The following PDE4D variants were observed in gnomAD, a reference collection of about 807,000 sequenced individuals.
PDE4D encodes phosphodiesterase 4D.
PDE4D carries 24 observed loss-of-function variants against 87.4 expected under a neutral mutation model. That is an observed-to-expected ratio of 0.27 (90% CI 0.20 to 0.39). The LOEUF (loss-of-function observed/expected upper bound fraction) is 0.39. Ranked by LOEUF, PDE4D falls within the 10% of genes least tolerant of loss-of-function variation. The probability of loss-of-function intolerance (pLI) is 1.00; values close to 1 mark genes in which losing one functional copy is unlikely to be tolerated. For synonymous variants in PDE4D, 384 were observed against 383.2 expected, an observed-to-expected ratio of 1.00 and a Z score of -0.02; for missense variants, 714 against 1,041.0, an observed-to-expected ratio of 0.69 and a Z score of 4.32.
intron 1 of PDE4D, among the ~76,000 whole-genome samples, chr5:59,736,022 A>G (rs7710199): frequency 0.49 from 74,033 of 151,642 alleles, 18,765 homozygotes; most frequent in African/African-American, 0.56. Context: ...ACAAAAGACT[A>G]GAAATAGTTG....
intron 3 of PDE4D, among the ~76,000 whole-genome samples, chr5:59,918,264 T>C (rs182513206): frequency 1.3e-3 from 196 of 152,338 alleles, no homozygotes; most frequent in African/African-American, 4.5e-3. Context: ...TGTATTTTTT[T>C]TTTAAAGAGG....
At chr5:59,251,860 G>C (rs781451906) in intron 1 of PDE4D, among the ~76,000 whole-genome samples, 10 of 152,114 alleles carry the variant, frequency 6.6e-5, no homozygotes, top group Non-Finnish European at 1.3e-4. Flanking sequence ...AAAAGAATGA[G>C]ATCATGTCTT....
rs1397081533 is a variant in PDE4D, at chr5:59,240,857, G to A, written c.456-24889C>T. Among the ~76,000 whole-genome samples, 8 of 152,092 alleles carry A rather than the reference G, an allele frequency of 5.3e-5. No homozygotes were observed. In the South Asian group the frequency reaches 1.7e-3, roughly 32 times the overall value. ...AAGTTCAGTATAGCCTAGTGATTAA[G>A]CTAAGGGCTTTGGAGTTAGATAACC... On this transcript the variant is annotated intron_variant, in intron 1 of 14. Transcript: ENST00000340635.
At chr5:60,011,482 C>T (rs897206318) in intron 2 of PDE4D, among the ~76,000 whole-genome samples, 7 of 152,112 alleles carry the variant, frequency 4.6e-5, no homozygotes, top group African/African-American at 1.4e-4. Context: ...AAGCGACACA[C>T]ATTTGCAAAA....
intron 1 of PDE4D, among the ~76,000 whole-genome samples, chr5:59,564,359 G>C (rs558177982): frequency 6.6e-6 from 1 of 152,168 alleles, no homozygotes; most frequent in Non-Finnish European, 1.5e-5. Flanking sequence ...AAGCTGACTG[G>C]GTAGGTAAAT....
chr5:59,407,923 A>G (rs1213288119), intron 1 of PDE4D, among the ~76,000 whole-genome samples: 1 of 152,230 alleles, frequency 6.6e-6, no homozygotes, highest in Non-Finnish European at 1.5e-5. Context: ...TTTTTACTTA[A>G]AAGGGAAGCA....
intron 1 of PDE4D, among the ~76,000 whole-genome samples, chr5:59,650,531 G>A (rs1264316182): frequency 6.6e-6 from 1 of 151,976 alleles, no homozygotes; most frequent in Admixed American, 6.6e-5. Context: ...GGAACAATCT[G>A]AAAAAAATTC....
intron 1 of PDE4D, among the ~76,000 whole-genome samples, chr5:59,778,608 A>G (rs1764305570): frequency 6.6e-6 from 1 of 152,204 alleles, no homozygotes. Context: ...AAATCAACCT[A>G]TGACAAAGAA....
intron 6 of PDE4D, among the ~76,000 whole-genome samples, chr5:59,015,129 G>A (rs924918814): frequency 3.3e-5 from 5 of 152,148 alleles, no homozygotes; most frequent in East Asian, 1.9e-4. Context: ...AATTCAAGAC[G>A]GATTAAAGAC....
chr5:59,841,572 T>C (rs1259488631), intron 1 of PDE4D, among the ~76,000 whole-genome samples: 1 of 151,998 alleles, frequency 6.6e-6, no homozygotes, highest in African/African-American at 2.4e-5. Flanking sequence ...ACCTGGGGAA[T>C]TTGTTGGGGT....
chr5:60,449,658 TA>T (rs57700882), intron 1 of PDE4D, among the ~76,000 whole-genome samples: 20,665 of 144,294 alleles, frequency 0.14, 1,505 homozygotes, highest in African/African-American at 0.17. Flanking sequence ...ATAAATAAAA[TA>T]AAAAATAAAT....
At chr5:60,236,131 A>G (rs560530203) in intron 1 of PDE4D, among the ~76,000 whole-genome samples, 1 of 151,776 alleles carries the variant, frequency 6.6e-6, no homozygotes, top group South Asian at 2.1e-4. Flanking sequence ...TAAATATAAA[A>G]CTATAAAACT....
intron 1 of PDE4D, among the ~76,000 whole-genome samples, chr5:59,429,811 G>A (rs1382046639): frequency 6.6e-6 from 1 of 152,076 alleles, no homozygotes; most frequent in Non-Finnish European, 1.5e-5. Flanking sequence ...CTTTTTTATA[G>A]GAAAAATACA....
At chr5:60,198,040 A>ATT (rs5868224) in intron 1 of PDE4D, among the ~76,000 whole-genome samples, 10,974 of 144,476 alleles carry the variant, frequency 0.076, 613 homozygotes, top group Middle Eastern at 0.13. Context: ...AAGAATTTGG[A>ATT]TTTTTTTTTT....
intron 1 of PDE4D, among the ~76,000 whole-genome samples, chr5:59,228,212 C>A (rs1007496134): frequency 1.3e-5 from 2 of 151,818 alleles, no homozygotes; most frequent in African/African-American, 4.8e-5. Flanking sequence ...TGAGAACACA[C>A]AGACAGAAAG....
intron 1 of PDE4D, among the ~76,000 whole-genome samples, chr5:59,320,583 T>C (rs897349055): frequency 6.6e-6 from 1 of 152,154 alleles, no homozygotes; most frequent in African/African-American, 2.4e-5. Flanking sequence ...AGCAGCAACT[T>C]GTAAAAACTT....
chr5:60,230,248 A>G (rs1454300961), intron 1 of PDE4D, among the ~76,000 whole-genome samples: 2 of 152,126 alleles, frequency 1.3e-5, no homozygotes, highest in Non-Finnish European at 2.9e-5. Context: ...AAACATCTTG[A>G]GGGCTTTATT....
chr5:59,253,068 G>C (rs80264937), intron 1 of PDE4D, among the ~76,000 whole-genome samples: 1 of 152,212 alleles, frequency 6.6e-6, no homozygotes, highest in African/African-American at 2.4e-5. Context: ...AAATGTCAAA[G>C]AATCTTGCCC....
At chr5:59,889,228 TAAAAAAAAAA>T (rs58549979) in intron 1 of PDE4D, among the ~76,000 whole-genome samples, 1 of 71,148 alleles carries the variant, frequency 1.4e-5, no homozygotes, top group East Asian at 4.2e-4. Flanking sequence ...AGACTCTGTC[TAAAAAAAAAA>T]AAAAAAAAAA....
Sources: allele counts gnomAD v4.1 joint callset (sites outside exome capture counted in the v4.1 genomes callset), GRCh38; gene constraint gnomAD v4.1.1; transcripts MANE v1.5; gene names NCBI Gene and HGNC (gene_info 2026-07-23, HGNC 2026-07-21).